Variants in RCN3 observed in about 807,000 individuals in gnomAD.
RCN3 encodes the protein reticulocalbin-3.
Under a neutral mutation model 35.9 loss-of-function variants are expected in RCN3, and 41 were observed. That is an observed-to-expected ratio of 1.14 (90% confidence interval 0.89 to 1.48). The LOEUF is 1.48. Ranked by LOEUF, RCN3 falls within the 40% of genes most tolerant of loss-of-function variation. RCN3 has a pLI of 0.00. For missense variants in RCN3, 451 were observed against 471.3 expected (o/e 0.96, Z 0.40); for synonymous variants, 187 against 193.4 (o/e 0.97, Z 0.27).
chr19:49,540,175 G>GTC (rs1318956614), intron 5 of RCN3, among the ~76,000 whole-genome samples: 1 of 151,236 alleles, frequency 6.6e-6, no homozygotes, highest in African/African-American at 2.4e-5. Context: ...GTGTGTGTGT[G>GTC]TCTCTCTCTT....
chr19:49,537,092 G>A lies in RCN3; in HGVS notation c.505G>A (p.Glu169Lys), dbSNP rs770352584. Reference protein sequence around the residue: ...ETYKKMLARDERRFRVADQDG... With the variant: ...ETYKKMLARDKRRFRVADQDG... ...CTACAAAAAGATGCTGGCTCGGGAC[G>A]AGCGGCGTTTCCGGGTGGCCGACCA... The change falls in exon 4 of 7, where the codon GAG (glutamate) becomes AAG (lysine). Residue 169 changes from glutamate to lysine, a missense_variant. Coordinates refer to ENST00000270645, the MANE Select transcript of RCN3 (RefSeq NM_020650.3). The A allele has an allele frequency of 6.9e-6, 11 of 1,596,484 alleles. No individual in the cohort carries two copies. Among genetic ancestry groups the A allele is most frequent in the South Asian group, 5.6e-5 (5 of 89,248 alleles).
intron 5 of RCN3, among the ~76,000 whole-genome samples, chr19:49,540,932 CT>C (rs1262372704): frequency 0.026 from 3,562 of 138,674 alleles, 42 homozygotes; most frequent in East Asian, 0.052. Context: ...GTCCCCATCT[CT>C]TTTTTTTTTT....
At chr19:49,533,187 A>G (rs17239245) in intron 2 of RCN3, among the ~76,000 whole-genome samples, 2,693 of 152,318 alleles carry the variant, frequency 0.018, 182 homozygotes, top group East Asian at 0.16. Flanking sequence ...TAACAACACC[A>G]GGAACCTCAG....
chr19:49,528,893 C>T (rs2080095033), intron 2 of RCN3, among the ~76,000 whole-genome samples, 179 bp downstream of exon 2: 1 of 152,040 alleles, frequency 6.6e-6, no homozygotes, highest in Admixed American at 6.6e-5. Context: ...CTAAAGAGGA[C>T]CTTTGAGACC....
chr19:49,541,071 T>C (rs73582485), intron 5 of RCN3, among the ~76,000 whole-genome samples: 15,420 of 151,934 alleles, frequency 0.1, 1,003 homozygotes, highest in African/African-American at 0.18. Flanking sequence ...GGTGGGATTA[T>C]GGGCGTGCAC....
chr19:49,534,215 C>T lies in RCN3; in HGVS notation c.265C>T (p.Arg89Cys). The T allele has an allele frequency of 6.7e-7, 1 of 1,488,612 alleles. No homozygotes were observed. Among genetic ancestry groups the T allele is most frequent in the East Asian group, 2.6e-5 (1 of 37,810 alleles). The allele number at this position is 1,488,612 out of a possible 1,614,324, so 92.2% of individuals were successfully genotyped here. ...TAGGCGGATCGTGGACCGCATGGACCGCGCGGGGGACGGCGACGGCTGGGT... is the reference window on the plus strand; with the variant it reads ...TAGGCGGATCGTGGACCGCATGGACTGCGCGGGGGACGGCGACGGCTGGGT... ...RLGRIVDRMD[R>C]AGDGDGWVSL... Residue 89 changes from arginine to cysteine, a missense_variant, in exon 3 of 7, where the codon CGC becomes TGC. Coordinates refer to ENST00000270645, the MANE Select transcript of RCN3 (RefSeq NM_020650.3).
Position 49,543,378 on chromosome 19 carries a change from G to C in RCN3, c.*165G>C, listed in dbSNP as rs2080173333. ...ACCCCCTGGGTCGGCTTCTGTCCCTGTCACACCCCCAACCCCAGGGAGGGG... is the reference window on the plus strand; with the variant it reads ...ACCCCCTGGGTCGGCTTCTGTCCCTCTCACACCCCCAACCCCAGGGAGGGG... On this transcript the variant is annotated 3_prime_UTR_variant, in exon 7 of 7. Transcript: ENST00000270645. 6.3e-6 allele frequency: 4 copies of C among 633,660 alleles called. No homozygotes were observed. The highest frequency in any genetic ancestry group is 4.2e-4 in the Middle Eastern group (1 of 2,358). The allele number at this position is 633,660 out of a possible 1,614,324, so 39.3% of individuals were successfully genotyped here.
intron 2 of RCN3, among the ~76,000 whole-genome samples, chr19:49,529,095 C>T (rs980732647): frequency 2.6e-5 from 4 of 152,196 alleles, no homozygotes; most frequent in South Asian, 2.1e-4. Flanking sequence ...GCAGGAGAAT[C>T]GCTTGAACCT....
chr19:49,542,082 A>G (rs146175266), intron 5 of RCN3, among the ~76,000 whole-genome samples: 98 of 151,258 alleles, frequency 6.5e-4, no homozygotes, highest in Non-Finnish European at 9.6e-4. Context: ...AAAAATTTGT[A>G]GAAACAGGGT....
intron 2 of RCN3, among the ~76,000 whole-genome samples, chr19:49,533,243 G>T (rs1389710844): frequency 6.6e-6 from 1 of 152,220 alleles, no homozygotes; most frequent in Non-Finnish European, 1.5e-5. Flanking sequence ...AGACAGACTG[G>T]AGCAGAGACC....
At chr19:49,537,285 C>T in intron 4 of RCN3, 80 bp downstream of exon 4, 1 of 1,341,608 alleles carries the variant, frequency 7.5e-7, no homozygotes. Context: ...CTTCCCAGCA[C>T]CGACCTGGGG....
intron 2 of RCN3, among the ~76,000 whole-genome samples, chr19:49,530,488 CT>C (rs997752570): frequency 7.0e-6 from 1 of 142,306 alleles, no homozygotes; most frequent in South Asian, 2.2e-4. Context: ...GGTAATTTTT[CT>C]TTTTTTTCTT....
chr19:49,542,278 G>A (rs1174447630), intron 5 of RCN3, among the ~76,000 whole-genome samples: 1 of 152,176 alleles, frequency 6.6e-6, no homozygotes, highest in Non-Finnish European at 1.5e-5. Context: ...GCACTGCCTT[G>A]CCCATTGCAC....
At chr19:49,542,149 G>C (rs2080165785) in intron 5 of RCN3, among the ~76,000 whole-genome samples, 1 of 151,914 alleles carries the variant, frequency 6.6e-6, no homozygotes. Flanking sequence ...CCTCCTGCCT[G>C]GGTCTCCCAA....
In RCN3 at chr19:49,542,786, C is replaced by T. The variant is rs542707327; in HGVS notation, c.879+34C>T. ...ACGGGGCCTCGGCAGGAGCGAGGAGCGGGTGGGCATTGCGGGCCAGACTCC... is the reference window on the plus strand; with the variant it reads ...ACGGGGCCTCGGCAGGAGCGAGGAGTGGGTGGGCATTGCGGGCCAGACTCC... On this transcript the variant is annotated intron_variant, in intron 6 of 6. Transcript: ENST00000270645. The T allele has an allele frequency of 8.0e-5, 123 of 1,541,402 alleles. No individual in the cohort carries two copies. In the Middle Eastern group the frequency reaches 8.5e-4, roughly 11 times the overall value.
chr19:49,539,206 G>A, intron 5 of RCN3, 27 bp downstream of exon 5: 2 of 1,590,492 alleles, frequency 1.3e-6, no homozygotes, highest in Non-Finnish European at 1.7e-6. Context: ...TTCTTCTTGG[G>A]ATGCCTGTCC....
rs2080126329 is a variant in RCN3, at chr19:49,534,729, A to G, written c.445+334A>G. Among the ~76,000 whole-genome samples the G allele has an allele frequency of 2.0e-5, 3 of 152,142 alleles. 1 individual carries two copies. The East Asian group carries it at 5.8e-4, about 29-fold the overall frequency. On this transcript the variant is annotated intron_variant, in intron 3 of 6. Transcript: ENST00000270645. The stretch of plus-strand genomic sequence containing the variant: ...CCTCAAATTAAAAGTCCAATGCTCT[A>G]CCAACTAAGCTACCCAGGTTCCCTT...
At chr19:49,528,846 T>C in intron 2 of RCN3, 132 bp downstream of exon 2, 1 of 1,193,192 alleles carries the variant, frequency 8.4e-7, no homozygotes. Flanking sequence ...TTCTACCTTC[T>C]ATCCTTGGGA....
rs1268149081 is a variant in RCN3, at chr19:49,534,179, GC to G, written c.243-10del. On this transcript the variant is annotated splice_polypyrimidine_tract_variant and intron_variant, in intron 2 of 6. Transcript: ENST00000270645. Reference sequence around the variant, plus strand: ...CGGGACCAGAGCCTGACGTGTGCCCGCCCCGGCTTCTAGGCGGATCGTGGAC... The same window carrying G: ...CGGGACCAGAGCCTGACGTGTGCCCGCCCGGCTTCTAGGCGGATCGTGGAC... The G allele has an allele frequency of 5.4e-6, 8 of 1,479,148 alleles. No individual in the cohort carries two copies. The highest frequency in any genetic ancestry group is 2.2e-5 in the Admixed American group (1 of 44,946). The allele number at this position is 1,479,148 out of a possible 1,614,324, so 91.6% of individuals were successfully genotyped here.
Sources: gnomAD v4.1 joint callset for allele counts (sites outside exome capture counted in the v4.1 genomes callset) on GRCh38, gnomAD v4.1.1 for gene constraint, MANE v1.5 for transcripts, NCBI Gene and HGNC (gene_info 2026-07-23, HGNC 2026-07-21) for gene names.